Variants in EZH2 observed in about 807,000 individuals in gnomAD.
EZH2 encodes the protein enhancer of zeste 2 polycomb repressive complex 2 subunit.
Under a neutral mutation model 98.4 loss-of-function variants are expected in EZH2, and 18 were observed. That is an observed-to-expected ratio of 0.18 (90% confidence interval 0.13 to 0.27). The LOEUF is 0.27. Among genes scored for constraint, EZH2 ranks in the 10% least tolerant of loss-of-function variants. The pLI is 1.00. For missense variants in EZH2, 470 were observed against 935.1 expected, an observed-to-expected ratio of 0.50 and a Z score of 6.49; for synonymous variants, 338 against 312.3, an observed-to-expected ratio of 1.08 and a Z score of -0.87.
At chr7:148,815,366 C>A in intron 13 of EZH2, 140 bp downstream of exon 13, 1 of 872,444 alleles carries the variant, frequency 1.1e-6, no homozygotes, top group East Asian at 2.4e-5. Flanking sequence ...CAGTAGACGT[C>A]CTCCATTCAA....
chr7:148,875,752 T>C (rs1055833826), intron 1 of EZH2, among the ~76,000 whole-genome samples: 2 of 152,194 alleles, frequency 1.3e-5, no homozygotes, highest in African/African-American at 4.8e-5. Context: ...AGGAAAGACA[T>C]ACAAATGGTG....
chr7:148,864,567 G>A (rs1413060699), intron 1 of EZH2, among the ~76,000 whole-genome samples: 1 of 151,500 alleles, frequency 6.6e-6, no homozygotes, highest in Non-Finnish European at 1.5e-5. Flanking sequence ...TATAGTCCAA[G>A]ATACTCTGGA....
chr7:148,863,290 G>C (rs1345807743), intron 1 of EZH2, among the ~76,000 whole-genome samples: 1 of 151,772 alleles, frequency 6.6e-6, no homozygotes, highest in Non-Finnish European at 1.5e-5. Context: ...ATGAAACATA[G>C]AAATCACCAC....
intron 1 of EZH2, among the ~76,000 whole-genome samples, chr7:148,877,329 T>C (rs1008184008): frequency 2.6e-5 from 4 of 152,206 alleles, no homozygotes; most frequent in Admixed American, 6.5e-5. Flanking sequence ...TAAATTGAAA[T>C]AGATAAAACG....
chr7:148,811,753 AAGG>A (rs1222810734), intron 15 of EZH2, 33 bp from the exon 16 acceptor site: 2 of 1,574,022 alleles, frequency 1.3e-6, no homozygotes, highest in Non-Finnish European at 1.7e-6. Flanking sequence ...ATCATCAAAA[AAGG>A]AGGGTGAAAA....
intron 1 of EZH2, among the ~76,000 whole-genome samples, chr7:148,866,685 C>CATATATATATACATATATGCAT (rs1818591823): frequency 7.0e-6 from 1 of 142,668 alleles, no homozygotes; most frequent in Non-Finnish European, 1.5e-5. Context: ...TACGTATATG[C>CATATATATATACATATATGCAT]ATATATATAT....
chr7:148,811,785 GAC>G, intron 15 of EZH2, 65 bp from the exon 16 acceptor site: 2 of 1,372,102 alleles, frequency 1.5e-6, no homozygotes, highest in South Asian at 2.4e-5. Context: ...GGACAAAGTA[GAC>G]TACAGAATGA....
chr7:148,882,650 A>G (rs1202956636), intron 1 of EZH2, among the ~76,000 whole-genome samples: 1 of 152,216 alleles, frequency 6.6e-6, no homozygotes, highest in Admixed American at 6.5e-5. Flanking sequence ...AAAACCCCTA[A>G]AAGTATAAAC....
In EZH2 at chr7:148,833,979, T is replaced by C. The variant is rs115156310; in HGVS notation, c.247-1229A>G. The stretch of plus-strand genomic sequence containing the variant: ...GAAACACCATATTTCATACAATCTA[T>C]GATGACAGCGATTTCAAGGTACATC... On this transcript the variant is annotated intron_variant, in intron 3 of 19. Coordinates refer to ENST00000320356, the MANE Select transcript of EZH2 (RefSeq NM_004456.5). 5.1e-3 allele frequency among the ~76,000 whole-genome samples: 783 copies of C among 152,284 alleles called. 10 individuals carry two copies. The highest frequency in any genetic ancestry group is 0.018 in the African/African-American group (737 of 41,532).
Position 148,811,440 on chromosome 7 carries a change from C to A in EZH2, c.1947+185G>T, listed in dbSNP as rs1216586059. Among the ~76,000 whole-genome samples, 4 of 152,130 alleles carry A rather than the reference C, an allele frequency of 2.6e-5. No homozygotes were observed. In the East Asian group the frequency reaches 7.7e-4, roughly 29 times the overall value. On this transcript the variant is annotated intron_variant, in intron 16 of 19. Coordinates refer to ENST00000320356, the MANE Select transcript of EZH2 (RefSeq NM_004456.5). Reference sequence around the variant, plus strand: ...TGCTGGGATTGCAGGAGTCGGCCACCGCGCCCAGCACAATCCAGTTACTAA... The same window carrying A: ...TGCTGGGATTGCAGGAGTCGGCCACAGCGCCCAGCACAATCCAGTTACTAA...
intron 1 of EZH2, among the ~76,000 whole-genome samples, chr7:148,883,807 G>A (rs1230625210): frequency 1.3e-5 from 2 of 151,824 alleles, no homozygotes; most frequent in African/African-American, 2.4e-5. Context: ...TGAGGCTCGA[G>A]CTGCCACCCT....
intron 1 of EZH2, among the ~76,000 whole-genome samples, chr7:148,848,798 T>C (rs1043272831): frequency 3.3e-5 from 5 of 152,178 alleles, no homozygotes; most frequent in Non-Finnish European, 5.9e-5. Flanking sequence ...TAGACAGACA[T>C]ACTTCAGTAT....
intron 1 of EZH2, among the ~76,000 whole-genome samples, chr7:148,860,801 AGCT>A (rs1461925257): frequency 6.6e-6 from 1 of 152,084 alleles, no homozygotes; most frequent in Non-Finnish European, 1.5e-5. Flanking sequence ...CTTCCCAGGT[AGCT>A]GGGACCACAT....
At chr7:148,823,994 G>A (rs1245702912) in intron 8 of EZH2, among the ~76,000 whole-genome samples, 1 of 152,082 alleles carries the variant, frequency 6.6e-6, no homozygotes, top group Non-Finnish European at 1.5e-5. Context: ...TAAGAGACCA[G>A]AAAACTAAAG....
chr7:148,834,448 T>G (rs1562983647), intron 3 of EZH2, among the ~76,000 whole-genome samples: 1 of 152,034 alleles, frequency 6.6e-6, no homozygotes, highest in East Asian at 1.9e-4. Flanking sequence ...GTGGTGAAAT[T>G]CAGAGTAGAA....
At position 148,855,897 on chromosome 7, in the gene EZH2, CAAAAA is replaced by C. The variant is rs34692092; in HGVS notation, c.-7-8597_-7-8593del. On this transcript the variant is annotated intron_variant, in intron 1 of 19. Transcript: ENST00000320356. ...TAGGCGACAGAGCAAGACTCCATCT[CAAAAA>C]AAAAAAAAAAAAAAAAAAAGTAGTG... Among the ~76,000 whole-genome samples, 14 of 41,004 alleles carry C rather than the reference CAAAAA, an allele frequency of 3.4e-4. No individual in the cohort carries two copies. The South Asian group carries it at 0.013, about 39-fold the overall frequency. The allele number at this position is 41,004 out of a possible 152,430, so 26.9% of individuals were successfully genotyped here. A position where few individuals can be genotyped will look rare whatever the true frequency, so the allele number is the denominator to read the frequency against.
intron 1 of EZH2, among the ~76,000 whole-genome samples, chr7:148,881,224 A>C (rs1330118198): frequency 6.6e-6 from 1 of 152,228 alleles, no homozygotes; most frequent in East Asian, 1.9e-4. Flanking sequence ...GGTTTTTAAA[A>C]AGCAGATCAA....
intron 9 of EZH2, 27 bp downstream of exon 9, chr7:148,819,569 C>T: frequency 6.3e-7 from 1 of 1,586,484 alleles, no homozygotes; most frequent in Non-Finnish European, 8.7e-7. Flanking sequence ...CAAGTACCCT[C>T]TGCAATAATT....
At chr7:148,842,449 T>C (rs1285492269) in intron 3 of EZH2, among the ~76,000 whole-genome samples, 1 of 152,186 alleles carries the variant, frequency 6.6e-6, no homozygotes, top group African/African-American at 2.4e-5. Flanking sequence ...CTACAGAACA[T>C]AGTTATTACT....
Sources: gnomAD v4.1 joint callset for allele counts (sites outside exome capture counted in the v4.1 genomes callset) on GRCh38, gnomAD v4.1.1 for gene constraint, MANE v1.5 for transcripts, NCBI Gene and HGNC (gene_info 2026-07-23, HGNC 2026-07-21) for gene names.